FAM3D: variants seen among roughly 807,000 people sequenced by gnomAD.
FAM3D encodes protein FAM3D.
FAM3D carries 26 observed loss-of-function variants against 29.8 expected under a neutral mutation model. The observed-to-expected ratio is 0.87, with a 90% CI of 0.64 to 1.21. FAM3D has a LOEUF of 1.21. FAM3D is among the 50% of genes most tolerant of loss of function. The pLI is 0.00. For synonymous variants in FAM3D, 115 were observed against 102.3 expected (o/e 1.12, Z -0.75); for missense variants, 253 against 290.9 (o/e 0.87, Z 0.95).
intron 2 of FAM3D, 90 bp from the exon 3 acceptor site, chr3:58,653,871 C>T (rs959493701): frequency 2.1e-6 from 2 of 958,080 alleles, no homozygotes; most frequent in African/African-American, 3.2e-5. Context: ...CCCACAGACC[C>T]CATGCTATAG....
chr3:58,644,323 T>G (rs1390539979), intron 5 of FAM3D, among the ~76,000 whole-genome samples: 1 of 151,992 alleles, frequency 6.6e-6, no homozygotes, highest in Non-Finnish European at 1.5e-5. Flanking sequence ...CAGTGGGAGG[T>G]AATTGAATCA....
chr3:58,665,345 C>T (rs1366428033), intron 1 of FAM3D, among the ~76,000 whole-genome samples: 1 of 152,010 alleles, frequency 6.6e-6, no homozygotes, highest in African/African-American at 2.4e-5. Flanking sequence ...CCTGTTCCCC[C>T]TTCTCAGAGA....
intron 1 of FAM3D, among the ~76,000 whole-genome samples, chr3:58,661,887 C>T (rs1196222623): frequency 3.3e-5 from 5 of 152,318 alleles, no homozygotes; most frequent in Admixed American, 1.3e-4. Flanking sequence ...CAGAAATAGG[C>T]TGAAGAACAG....
chr3:58,655,461 T>G, intron 2 of FAM3D, 90 bp downstream of exon 2: 1 of 1,559,394 alleles, frequency 6.4e-7, no homozygotes, highest in Non-Finnish European at 8.8e-7. Flanking sequence ...CCTGACCATT[T>G]GAGAACAGAT....
intron 3 of FAM3D, among the ~76,000 whole-genome samples, chr3:58,650,410 G>GGA (rs1307001849): frequency 6.6e-6 from 1 of 152,102 alleles, no homozygotes; most frequent in African/African-American, 2.4e-5. Flanking sequence ...AGGGGGAGAG[G>GGA]GAGAGACAGA....
intron 3 of FAM3D, among the ~76,000 whole-genome samples, chr3:58,650,402 G>GGGGAGA (rs2066602539): frequency 6.6e-6 from 1 of 152,176 alleles, no homozygotes; most frequent in Admixed American, 6.5e-5. Context: ...GTGGGGGCAG[G>GGGGAGA]GGGAGAGGGA....
intron 6 of FAM3D, 70 bp downstream of exon 6, chr3:58,643,592 G>C: frequency 6.7e-7 from 1 of 1,499,966 alleles, no homozygotes; most frequent in East Asian, 2.3e-5. Flanking sequence ...TTGGTTGAAT[G>C]AATATGCCGC....
rs564235011 is a variant in FAM3D, at chr3:58,650,473, A to T, written c.122-1135T>A. Reference sequence around the variant, plus strand: ...CAAGGGAGAAGATAAGCATCGGGAGAGGAGCCATCGTGCCTGCCTTAGAGA... The same window carrying T: ...CAAGGGAGAAGATAAGCATCGGGAGTGGAGCCATCGTGCCTGCCTTAGAGA... On this transcript the variant is annotated intron_variant, in intron 3 of 9. Coordinates refer to ENST00000358781, the MANE Select transcript of FAM3D (RefSeq NM_138805.3). 4.6e-5 allele frequency among the ~76,000 whole-genome samples: 7 copies of T among 152,236 alleles called. No individual in the cohort carries two copies. The East Asian group carries it at 1.2e-3, about 25-fold the overall frequency.
intron 4 of FAM3D, among the ~76,000 whole-genome samples, chr3:58,648,824 G>T (rs7620807): frequency 0.56 from 85,443 of 151,988 alleles, 26,298 homozygotes; most frequent in Non-Finnish European, 0.68. Context: ...TCTTAGGCAG[G>T]TCTGGCATTT....
At chr3:58,654,613 C>T (rs1042736163) in intron 2 of FAM3D, among the ~76,000 whole-genome samples, 4 of 152,180 alleles carry the variant, frequency 2.6e-5, no homozygotes, top group Non-Finnish European at 5.9e-5. Context: ...CCTTCTGAAT[C>T]AGACCCACCC....
chr3:58,635,582 C>A lies in FAM3D; in HGVS notation c.585+712G>T, dbSNP rs997232311. 6.6e-6 allele frequency among the ~76,000 whole-genome samples: 1 copy of A among 152,240 alleles called. No individual in the cohort carries two copies. The highest frequency in any genetic ancestry group is 6.5e-5 in the Admixed American group (1 of 15,288). On this transcript the variant is annotated intron_variant, in intron 9 of 9. Coordinates refer to ENST00000358781, the MANE Select transcript of FAM3D (RefSeq NM_138805.3). The surrounding 1 kb of genome is among the most constrained non-coding windows in gnomAD (Gnocchi z 5.2). ...GCCCATGCAGCCTCAGACCTCTTGC[C>A]TCTTGCTAGGGCCCTGCTGCAGCAC...
chr3:58,649,160 G>A (rs2066557470), intron 4 of FAM3D, among the ~76,000 whole-genome samples, 155 bp downstream of exon 4: 1 of 152,214 alleles, frequency 6.6e-6, no homozygotes, highest in Non-Finnish European at 1.5e-5. Flanking sequence ...ATTGGGCCAT[G>A]GGAGGAGAGG....
At chr3:58,658,088 G>A (rs1418492203) in intron 1 of FAM3D, among the ~76,000 whole-genome samples, 1 of 152,112 alleles carries the variant, frequency 6.6e-6, no homozygotes, top group Non-Finnish European at 1.5e-5. Context: ...AAGCCACCCC[G>A]TTCCTCCCAT....
At chr3:58,661,170 C>T (rs115861552) in intron 1 of FAM3D, among the ~76,000 whole-genome samples, 21 of 152,312 alleles carry the variant, frequency 1.4e-4, no homozygotes, top group African/African-American at 4.8e-4. Flanking sequence ...ATTTGACCTG[C>T]GGGCTGTTGT....
chr3:58,642,741 C>T (rs2066369223), intron 6 of FAM3D, among the ~76,000 whole-genome samples: 1 of 152,106 alleles, frequency 6.6e-6, no homozygotes, highest in African/African-American at 2.4e-5. Flanking sequence ...GCCTCCAGCC[C>T]CCCTACTCCA....
chr3:58,638,081 T>C (rs1415342481), intron 7 of FAM3D, among the ~76,000 whole-genome samples: 5 of 152,052 alleles, frequency 3.3e-5, no homozygotes, highest in Non-Finnish European at 7.4e-5. Context: ...TTGGAGTTTC[T>C]CCATGTTGGT....
chr3:58,637,195 T>TC lies in FAM3D; in HGVS notation c.403dup (p.Glu135GlyfsTer23), dbSNP rs2066197595. On this transcript the variant is annotated frameshift_variant, in exon 8 of 10. Coordinates refer to ENST00000358781, the MANE Select transcript of FAM3D (RefSeq NM_138805.3). LOFTEE classifies it high-confidence loss of function. ...CAGCACCAGTGCACCCCCCGGAATT[T>TC]CTTTAAGGAATTTCACTAGGTGCAT... is the stretch of plus-strand genomic sequence containing the variant. 1 of 1,613,886 alleles carries TC rather than the reference T, an allele frequency of 6.2e-7. No individual in the cohort carries two copies. The highest frequency in any genetic ancestry group is 8.5e-7 in the Non-Finnish European group (1 of 1,179,946).
chr3:58,644,570 C>T (rs934694943), intron 5 of FAM3D, among the ~76,000 whole-genome samples: 1 of 152,206 alleles, frequency 6.6e-6, no homozygotes, highest in Non-Finnish European at 1.5e-5. Context: ...ATGTCTTTAT[C>T]AGCAGCGTGA....
intron 7 of FAM3D, among the ~76,000 whole-genome samples, chr3:58,637,797 C>T (rs992182729): frequency 6.6e-6 from 1 of 152,144 alleles, no homozygotes; most frequent in Non-Finnish European, 1.5e-5. Flanking sequence ...CTCTATTTAA[C>T]AGAGAACAGC....
Sources: allele counts gnomAD v4.1 joint callset (sites outside exome capture counted in the v4.1 genomes callset), GRCh38; gene constraint gnomAD v4.1.1; non-coding constraint Gnocchi (gnomAD v3.1); transcripts MANE v1.5; gene names NCBI Gene and HGNC (gene_info 2026-07-23, HGNC 2026-07-21).